Variants in PTPRT observed in about 807,000 individuals in gnomAD.
PTPRT encodes the protein receptor-type tyrosine-protein phosphatase T.
A neutral mutation model predicts 176.8 loss-of-function variants in PTPRT; 56 were observed. That is an observed-to-expected ratio of 0.32 (90% CI 0.26 to 0.40). PTPRT has a LOEUF of 0.40. PTPRT is among the 10% of genes least tolerant of loss of function. The pLI, the probability that PTPRT is intolerant of heterozygous loss-of-function variation, is 1.00. For missense variants in PTPRT, 1,540 were observed against 1,908.2 expected (o/e 0.81, Z 3.60); for synonymous variants, 783 against 739.0 (o/e 1.06, Z -0.96).
chr20:42,688,564 C>T (rs1211542027), intron 6 of PTPRT: 1 of 152,190 alleles, frequency 6.6e-6, no homozygotes, highest in Non-Finnish European at 1.5e-5. Flanking sequence ...TTTGAAATAC[C>T]TGGTGTGATT....
intron 11 of PTPRT, among the ~76,000 whole-genome samples, chr20:42,325,480 CT>C (rs1195228906): frequency 6.6e-6 from 1 of 152,138 alleles, no homozygotes; most frequent in Non-Finnish European, 1.5e-5. Flanking sequence ...AATCATGGCT[CT>C]TCTCTCTTTC....
intron 1 of PTPRT, among the ~76,000 whole-genome samples, chr20:43,112,160 G>A (rs1404907164): frequency 6.6e-6 from 1 of 152,222 alleles, no homozygotes; most frequent in Non-Finnish European, 1.5e-5. Context: ...CCGAGGAACA[G>A]TGCATTCTAT....
chr20:42,369,694 G>A (rs927956773), intron 9 of PTPRT, among the ~76,000 whole-genome samples: 1 of 152,170 alleles, frequency 6.6e-6, no homozygotes, highest in Non-Finnish European at 1.5e-5. Flanking sequence ...AAAAGCCAGC[G>A]TGCAGAAAGG....
intron 9 of PTPRT, 78 bp downstream of exon 9, chr20:42,448,142 A>G (rs1369184129): frequency 9.1e-7 from 1 of 1,094,502 alleles, no homozygotes; most frequent in Non-Finnish European, 1.4e-6. Flanking sequence ...GTTCAGCAGA[A>G]TGGGTATTCA....
At chr20:42,057,166 A>T in the PTPRT span, among the ~76,000 whole-genome samples, 3 of 152,202 alleles carry the variant, frequency 2.0e-5, no homozygotes, top group Non-Finnish European at 2.9e-5. Context: ...TGGATATTCA[A>T]TAATTACTGG....
intron 1 of PTPRT, among the ~76,000 whole-genome samples, chr20:43,067,912 CTATAATCATGCCACT>C (rs2011127024): frequency 1.0e-5 from 1 of 99,548 alleles, no homozygotes; most frequent in South Asian, 4.5e-4. Flanking sequence ...CTGCAGTGAG[CTATAATCATGCCACT>C]GCATTCCAGC....
rs752454448 is a variant in PTPRT, at chr20:42,161,378, C to A, written c.2656G>T (p.Gly886Cys). 3 of 1,614,116 alleles carry A rather than the reference C, an allele frequency of 1.9e-6. No homozygotes were observed. The highest frequency in any genetic ancestry group is 2.5e-6 in the Non-Finnish European group (3 of 1,180,014). The change falls in exon 17 of 31, where the codon GGC becomes TGC. Residue 886 changes from glycine to cysteine, a missense_variant. Gly to Cys is a radical substitution (Grantham distance 159). This residue lies in a region of PTPRT where 255 missense variants were observed against 250.1 expected (regional missense o/e 1.02). Transcript: ENST00000373187. ...QHITQMKRGQ[G>C]YGFKEEYEAL... ...TCGTATTCCTCCTTGAACCCGTAGC[C>A]CTGGCCTCTCTTCATCTGCGTGATG...
At chr20:42,459,219 G>C (rs769995958) in intron 8 of PTPRT, among the ~76,000 whole-genome samples, 1 of 152,206 alleles carries the variant, frequency 6.6e-6, no homozygotes, top group Non-Finnish European at 1.5e-5. Context: ...TGATATATGT[G>C]AAGAGAATGA....
At chr20:42,246,383 G>T (rs2056451492) in intron 14 of PTPRT, among the ~76,000 whole-genome samples, 1 of 152,058 alleles carries the variant, frequency 6.6e-6, no homozygotes, top group Admixed American at 6.5e-5. Context: ...TTCTTCAAAA[G>T]ATGCCATATA....
At chr20:42,173,673 C>G (rs1236186353) in intron 16 of PTPRT, among the ~76,000 whole-genome samples, 1 of 151,896 alleles carries the variant, frequency 6.6e-6, no homozygotes, top group East Asian at 1.9e-4. Context: ...CTGGCCTTAA[C>G]CACTTAGTGA....
intron 7 of PTPRT, among the ~76,000 whole-genome samples, chr20:42,643,443 T>C (rs2074809742): frequency 6.6e-6 from 1 of 151,984 alleles, no homozygotes; most frequent in African/African-American, 2.4e-5. Context: ...GTCCTCAGCC[T>C]CCTGAGTAGC....
At chr20:42,688,343 T>A (rs1447189415) in intron 6 of PTPRT, 5 of 152,288 alleles carry the variant, frequency 3.3e-5, no homozygotes, top group Admixed American at 2.6e-4. Flanking sequence ...GTACAATCTG[T>A]GGGGTCTCCC....
chr20:42,580,292 T>C (rs1402649183), intron 7 of PTPRT, among the ~76,000 whole-genome samples: 1 of 152,120 alleles, frequency 6.6e-6, no homozygotes, highest in Non-Finnish European at 1.5e-5. Context: ...TACCATGCTG[T>C]TTTGGTTACT....
Position 42,756,532 on chromosome 20 carries a change from G to A in PTPRT, c.789C>T (p.Ser263=), listed in dbSNP as rs778220140. The A allele has an allele frequency of 6.2e-7, 1 of 1,612,810 alleles. No homozygotes were observed. The highest frequency in any genetic ancestry group is 8.5e-7 in the Non-Finnish European group (1 of 1,179,072). Residue 263 remains serine (S), a synonymous_variant, in exon 6 of 31, where the codon AGC becomes AGT. Coordinates refer to ENST00000373187, the MANE Select transcript of PTPRT (RefSeq NM_007050.6). ...CAGAGCGGATCACACAGCGGTACTT[G>A]CTGACGCTCCGCTGGGCAGTGTCTG... ...SVADTAQRSV[S]KYRCVIRSDG...
intron 1 of PTPRT, among the ~76,000 whole-genome samples, chr20:42,930,999 T>C (rs1045437052): frequency 1.3e-5 from 2 of 152,170 alleles, no homozygotes; most frequent in Middle Eastern, 3.4e-3. Flanking sequence ...CCAATCAACC[T>C]TCCTCCCTCA....
At chr20:42,648,625 G>A (rs898248155) in intron 7 of PTPRT, among the ~76,000 whole-genome samples, 3 of 151,974 alleles carry the variant, frequency 2.0e-5, no homozygotes, top group Admixed American at 6.6e-5. Context: ...CGTGTCTAGC[G>A]CCACTGTACT....
chr20:42,060,437 T>C, the PTPRT span, among the ~76,000 whole-genome samples: 3 of 152,190 alleles, frequency 2.0e-5, no homozygotes, highest in Non-Finnish European at 2.9e-5. Flanking sequence ...TCTGATATGG[T>C]TTGGCTGTGT....
chr20:42,995,253 T>C (rs1419536200), intron 1 of PTPRT, among the ~76,000 whole-genome samples: 2 of 152,210 alleles, frequency 1.3e-5, no homozygotes, highest in Non-Finnish European at 2.9e-5. Flanking sequence ...TGCGTGCTTC[T>C]AGTGTAGGGT....
At chr20:42,819,038 G>A (rs577648661) in intron 2 of PTPRT, among the ~76,000 whole-genome samples, 26 of 152,178 alleles carry the variant, frequency 1.7e-4, no homozygotes, top group South Asian at 4.2e-4. Context: ...TACAAATTCA[G>A]GAAATGCAAA....
Sources: gnomAD v4.1 joint callset for allele counts (sites outside exome capture counted in the v4.1 genomes callset) on GRCh38, gnomAD v4.1.1 for gene constraint, gnomAD v4.1.1 regional missense constraint, MANE v1.5 for transcripts, NCBI Gene and HGNC (gene_info 2026-07-23, HGNC 2026-07-21) for gene names.